The following KCTD19 variants were observed in gnomAD, a reference collection of about 807,000 sequenced individuals.
KCTD19 encodes the protein BTB/POZ domain-containing protein KCTD19.
Under a neutral mutation model 103.5 loss-of-function variants are expected in KCTD19, and 67 were observed. The observed-to-expected ratio is 0.65, with a 90% confidence interval of 0.53 to 0.79. The LOEUF is 0.79. Among genes scored for constraint, KCTD19 ranks in the 30% least tolerant of loss-of-function variants. KCTD19 has a pLI of 0.00. For missense variants in KCTD19, 980 were observed against 1,136.1 expected, an observed-to-expected ratio of 0.86 and a Z score of 1.98; for synonymous variants, 439 against 452.2, an observed-to-expected ratio of 0.97 and a Z score of 0.37.
intron 1 of KCTD19, among the ~76,000 whole-genome samples, chr16:67,325,265 C>T (rs1346273161): frequency 7.2e-6 from 1 of 139,200 alleles, no homozygotes; most frequent in African/African-American, 2.9e-5. Flanking sequence ...AGTGCAGTGG[C>T]ACGATTTTGG....
At chr16:67,291,523 G>C (rs1167065487) in intron 13 of KCTD19, 60 bp from the exon 14 acceptor site, 2 of 1,583,088 alleles carry the variant, frequency 1.3e-6, no homozygotes, top group Non-Finnish European at 1.7e-6. Flanking sequence ...CTTAGAGACA[G>C]TGTGAGGAGG....
chr16:67,297,162 C>T (rs760872802), intron 7 of KCTD19, among the ~76,000 whole-genome samples: 1 of 152,112 alleles, frequency 6.6e-6, no homozygotes, highest in Admixed American at 6.5e-5. Flanking sequence ...GTTAAATGGA[C>T]CCAGGGACAG....
In KCTD19 at chr16:67,293,750, G is replaced by T; in HGVS notation, c.2012C>A (p.Pro671His). The T allele has an allele frequency of 6.2e-7, 1 of 1,614,052 alleles. No individual in the cohort carries two copies. The change falls in exon 12 of 16, where the codon CCC (proline) becomes CAC (histidine). Residue 671 changes from proline (P) to histidine (H), a missense_variant. Pro to His is a moderately conservative substitution (Grantham distance 77). Coordinates refer to ENST00000304372, the MANE Select transcript of KCTD19 (RefSeq NM_001100915.3). The surrounding 1 kb of genome is among the most constrained non-coding windows in gnomAD (Gnocchi z 4.0). ...SPLEEATLQL[P>H]LGSEAASQPS... ...CTGGGAAGCAGCCTCGCTTCCCAAGGGGAGCTGCAGGGTGGCCTCCTCCAA... is the reference window on the plus strand; with the variant it reads ...CTGGGAAGCAGCCTCGCTTCCCAAGTGGAGCTGCAGGGTGGCCTCCTCCAA...
intron 5 of KCTD19, 39 bp from the exon 6 acceptor site, chr16:67,299,612 T>C: frequency 1.3e-6 from 2 of 1,565,490 alleles, no homozygotes; most frequent in East Asian, 2.2e-5. Context: ...AGGCCCCCCA[T>C]GGTCATAGCT....
intron 10 of KCTD19, 103 bp downstream of exon 10, chr16:67,294,870 C>T: frequency 9.2e-7 from 1 of 1,082,206 alleles, no homozygotes; most frequent in Non-Finnish European, 1.4e-6. Context: ...TCCCTCAACC[C>T]CAAGGAGATC....
chr16:67,313,484 A>G (rs962189265), intron 2 of KCTD19, among the ~76,000 whole-genome samples: 1 of 152,182 alleles, frequency 6.6e-6, no homozygotes, highest in African/African-American at 2.4e-5. Context: ...TAAAAATGTA[A>G]AACCCATTCT....
intron 10 of KCTD19, 126 bp downstream of exon 10, chr16:67,294,846 TG>T: frequency 1.0e-6 from 1 of 955,800 alleles, no homozygotes; most frequent in Non-Finnish European, 1.6e-6. Context: ...TGGCCAATCC[TG>T]GGCCTGCTTC....
At chr16:67,322,282 C>T (rs1262104146) in intron 1 of KCTD19, among the ~76,000 whole-genome samples, 1 of 149,066 alleles carries the variant, frequency 6.7e-6, no homozygotes, top group African/African-American at 2.6e-5. Flanking sequence ...GTGAAACAGA[C>T]CTAAAACTAT....
At chr16:67,299,158 C>A (rs574337742) in intron 6 of KCTD19, among the ~76,000 whole-genome samples, 1 of 152,256 alleles carries the variant, frequency 6.6e-6, no homozygotes, top group Non-Finnish European at 1.5e-5. Flanking sequence ...CCTTGGCAAC[C>A]CTTGTACCTT....
At chr16:67,305,557 C>T (rs1393489252) in intron 2 of KCTD19, 12 of 454,704 alleles carry the variant, frequency 2.6e-5, no homozygotes, top group Non-Finnish European at 4.4e-5. Flanking sequence ...AAGCCTGAAG[C>T]CCAGGGCGGT....
Position 67,293,944 on chromosome 16 carries a change from C to T in KCTD19, c.1818G>A (p.Glu606=). 1 of 1,614,072 alleles carries T rather than the reference C, an allele frequency of 6.2e-7. No homozygotes were observed. Residue 606 remains glutamate, a synonymous_variant, in exon 12 of 16, where the codon GAG becomes GAA. Transcript: ENST00000304372. The surrounding 1 kb of genome is among the most constrained non-coding windows in gnomAD (Gnocchi z 4.0). ...TNPGHWGSHP[E]SPPKKKCTTI... The stretch of plus-strand genomic sequence containing the variant: ...TGGTGCATTTCTTCTTTGGGGGGCT[C>T]TCAGGGTGGCTCCCCCAGTGTCCAG...
At chr16:67,301,989 T>C in intron 4 of KCTD19, 67 bp from the exon 5 acceptor site, 1 of 1,521,864 alleles carries the variant, frequency 6.6e-7, no homozygotes, top group Admixed American at 1.7e-5. Context: ...AGGTCCTGGT[T>C]TTGGCAGGTT....
At chr16:67,289,889 G>A (rs376241528) in intron 15 of KCTD19, among the ~76,000 whole-genome samples, 1 of 152,200 alleles carries the variant, frequency 6.6e-6, no homozygotes, top group Non-Finnish European at 1.5e-5. Flanking sequence ...AAGACCGGAG[G>A]TTCAAAAATC....
chr16:67,312,044 C>G (rs1293942120), intron 2 of KCTD19, among the ~76,000 whole-genome samples: 1 of 152,160 alleles, frequency 6.6e-6, no homozygotes, highest in African/African-American at 2.4e-5. Flanking sequence ...TCCCTGGCTC[C>G]CTTGAGCACA....
chr16:67,315,626 C>T (rs950781773), intron 2 of KCTD19, among the ~76,000 whole-genome samples: 5 of 152,064 alleles, frequency 3.3e-5, no homozygotes, highest in African/African-American at 1.2e-4. Context: ...GGATTATAGG[C>T]GCACGACACC....
chr16:67,304,561 T>A lies in KCTD19; in HGVS notation c.311A>T (p.Asn104Ile). The A allele has an allele frequency of 6.2e-7, 1 of 1,613,850 alleles. No homozygotes were observed. The highest frequency in any genetic ancestry group is 8.5e-7 in the Non-Finnish European group (1 of 1,179,734). Residue 104 changes from asparagine to isoleucine, a missense_variant, in exon 3 of 16, where the codon AAC (asparagine) becomes ATC (isoleucine). Transcript: ENST00000304372. ...TAGATGGTGTTTCCCTTCCTTCAGG[T>A]TATCTAGAGTCTGTTAGATAATGAA... is the stretch of plus-strand genomic sequence containing the variant. ...QLMPLLQTLD[N>I]LKEGKHHLRV...
chr16:67,304,894 C>T (rs531395752), intron 2 of KCTD19, among the ~76,000 whole-genome samples: 29 of 152,258 alleles, frequency 1.9e-4, no homozygotes, highest in Non-Finnish European at 4.4e-5. Flanking sequence ...TCTTGAACTC[C>T]TGACCTCAGG....
intron 1 of KCTD19, among the ~76,000 whole-genome samples, chr16:67,324,320 T>C (rs1005069730): frequency 2.6e-5 from 4 of 152,222 alleles, no homozygotes; most frequent in Admixed American, 6.5e-5. Flanking sequence ...TAAAGGGTAG[T>C]AAATAGTATA....
chr16:67,310,073 C>T (rs1201543353), intron 2 of KCTD19, among the ~76,000 whole-genome samples: 15 of 152,234 alleles, frequency 9.9e-5, no homozygotes. Flanking sequence ...AAGGCTGTTT[C>T]CCGAACTCTG....
Sources: allele counts gnomAD v4.1 joint callset (sites outside exome capture counted in the v4.1 genomes callset), GRCh38; gene constraint gnomAD v4.1.1; non-coding constraint Gnocchi (gnomAD v3.1); transcripts MANE v1.5; gene names NCBI Gene and HGNC (gene_info 2026-07-23, HGNC 2026-07-21).